Variants in SOX5 observed in about 807,000 individuals in gnomAD.
SOX5 encodes the protein SRY-box transcription factor 5, also known as transcription factor SOX-5.
SOX5 carries 9 observed loss-of-function variants against 92.0 expected under a neutral mutation model. The ratio of observed to expected loss-of-function variants is 0.10; its 90% CI spans 0.06 to 0.17. SOX5 has a LOEUF of 0.17. Among genes scored for constraint, SOX5 ranks in the 10% least tolerant of loss-of-function variants. SOX5 has a pLI of 1.00. For synonymous variants in SOX5, 344 were observed against 336.3 expected (o/e 1.02, Z -0.25); for missense variants, 642 against 944.5 (o/e 0.68, Z 4.20).
At chr12:23,662,800 T>C (rs966167505) in intron 7 of SOX5, among the ~76,000 whole-genome samples, 20 of 152,300 alleles carry the variant, frequency 1.3e-4, no homozygotes, top group Non-Finnish European at 2.8e-4. Context: ...AACAGAAACG[T>C]TTATCATCAG....
At chr12:23,965,268 G>A (rs1413449754) in intron 4 of SOX5, among the ~76,000 whole-genome samples, 1 of 152,198 alleles carries the variant, frequency 6.6e-6, no homozygotes, top group Non-Finnish European at 1.5e-5. Context: ...TGGCCTGACC[G>A]CTAAGAATGA....
At chr12:23,860,059 T>A (rs954212044) in intron 2 of SOX5, among the ~76,000 whole-genome samples, 3 of 152,016 alleles carry the variant, frequency 2.0e-5, no homozygotes, top group Admixed American at 6.6e-5. Flanking sequence ...AAAACCAAAT[T>A]CTGCATGTTC....
intron 3 of SOX5, among the ~76,000 whole-genome samples, chr12:23,833,419 G>A (rs2096363310): frequency 6.6e-6 from 1 of 151,898 alleles, no homozygotes; most frequent in Non-Finnish European, 1.5e-5. Context: ...CACTATTAAA[G>A]AACAAGTTAC....
intron 1 of SOX5, among the ~76,000 whole-genome samples, chr12:24,490,359 C>T (rs891532885): frequency 4.6e-5 from 7 of 152,166 alleles, no homozygotes; most frequent in Non-Finnish European, 1.0e-4. Flanking sequence ...GGGCATTGAA[C>T]AGTCAGGGGT....
intron 3 of SOX5, 73 bp from the exon 4 acceptor site, chr12:23,755,797 T>C: frequency 9.9e-7 from 1 of 1,010,870 alleles, no homozygotes; most frequent in Non-Finnish European, 1.4e-6. Context: ...AAAGTCTATC[T>C]GCTAAAAATA....
intron 1 of SOX5, among the ~76,000 whole-genome samples, chr12:24,488,406 A>T (rs976351350): frequency 2.0e-4 from 30 of 152,124 alleles, no homozygotes; most frequent in African/African-American, 7.0e-4. Flanking sequence ...TGGGCAACAT[A>T]ACAAGACCCT....
At chr12:24,396,153 T>C (rs1471288152) in intron 1 of SOX5, among the ~76,000 whole-genome samples, 1 of 152,198 alleles carries the variant, frequency 6.6e-6, no homozygotes, top group Non-Finnish European at 1.5e-5. Flanking sequence ...TTACAAAGGC[T>C]AAGGTTACTG....
chr12:23,548,350 T>A (rs953782917), intron 11 of SOX5, among the ~76,000 whole-genome samples: 1 of 152,080 alleles, frequency 6.6e-6, no homozygotes, highest in African/African-American at 2.4e-5. Context: ...ACTCAGTTTT[T>A]ACAATAAGTA....
chr12:24,094,466 T>G (rs1239496636), intron 4 of SOX5, among the ~76,000 whole-genome samples: 1 of 151,604 alleles, frequency 6.6e-6, no homozygotes, highest in Non-Finnish European at 1.5e-5. Context: ...TTTTTTTTTT[T>G]TTTTGTATTT....
intron 4 of SOX5, among the ~76,000 whole-genome samples, chr12:24,201,491 G>C (rs934032432): frequency 2.0e-5 from 3 of 152,280 alleles, no homozygotes; most frequent in Non-Finnish European, 4.4e-5. Flanking sequence ...AGTATAATTT[G>C]AGAAACTCTG....
intron 1 of SOX5, among the ~76,000 whole-genome samples, chr12:24,495,467 A>G (rs1597304536): frequency 6.6e-6 from 1 of 152,266 alleles, no homozygotes; most frequent in South Asian, 2.1e-4. Flanking sequence ...GATTTTCACA[A>G]GATGATCCTT....
chr12:23,862,594 C>T (rs1362811055), intron 2 of SOX5, among the ~76,000 whole-genome samples: 2 of 152,194 alleles, frequency 1.3e-5, no homozygotes, highest in Admixed American at 1.3e-4. Context: ...CTGACATCAG[C>T]ATTGAAAGTA....
rs117698901 is a variant in SOX5, at chr12:23,865,101, G to A, written c.271-18908C>T. 8.8e-4 allele frequency among the ~76,000 whole-genome samples: 134 copies of A among 152,222 alleles called. 1 individual carries two copies. The East Asian group carries it at 0.021, about 24-fold the overall frequency. ...GGGCCCTAAAGAATTATGCTAAATC[G>A]GCTCTGTCTTTGTCTATAAATGGAA... is the stretch of plus-strand genomic sequence containing the variant. On this transcript the variant is annotated intron_variant, in intron 2 of 14. Coordinates refer to ENST00000451604, the MANE Select transcript of SOX5 (RefSeq NM_006940.6).
chr12:23,866,699 C>T (rs1344438689), intron 2 of SOX5, among the ~76,000 whole-genome samples: 1 of 152,154 alleles, frequency 6.6e-6, no homozygotes, highest in African/African-American at 2.4e-5. Flanking sequence ...AGTACTTTTC[C>T]TAGCTTTCTG....
intron 4 of SOX5, among the ~76,000 whole-genome samples, chr12:23,962,045 A>C (rs1188588093): frequency 6.6e-6 from 1 of 152,230 alleles, no homozygotes; most frequent in Admixed American, 6.5e-5. Flanking sequence ...AATTTCACAT[A>C]ATGGTAGAGC....
intron 1 of SOX5, among the ~76,000 whole-genome samples, chr12:23,936,800 C>A (rs1942667997): frequency 6.6e-6 from 1 of 150,982 alleles, no homozygotes; most frequent in Non-Finnish European, 1.5e-5. Flanking sequence ...ATCCTACTGT[C>A]ATTTCAACAT....
At chr12:23,568,219 T>C (rs1947494352) in intron 10 of SOX5, among the ~76,000 whole-genome samples, 1 of 152,164 alleles carries the variant, frequency 6.6e-6, no homozygotes, top group African/African-American at 2.4e-5. Context: ...ATTGGAGTTA[T>C]GCATCTATGA....
intron 1 of SOX5, among the ~76,000 whole-genome samples, chr12:23,933,333 G>A (rs573902335): frequency 1.3e-5 from 2 of 151,642 alleles, no homozygotes; most frequent in African/African-American, 4.8e-5. Context: ...TACAGAGTCT[G>A]GTACTATCCA....
At chr12:24,318,134 G>A (rs547400318) in intron 2 of SOX5, among the ~76,000 whole-genome samples, 14 of 152,170 alleles carry the variant, frequency 9.2e-5, no homozygotes, top group African/African-American at 2.9e-4. Flanking sequence ...GCTTGAAACC[G>A]GGAGGCAGAG....
Sources: gnomAD v4.1 joint callset for allele counts (sites outside exome capture counted in the v4.1 genomes callset) on GRCh38, gnomAD v4.1.1 for gene constraint, MANE v1.5 for transcripts, NCBI Gene and HGNC (gene_info 2026-07-23, HGNC 2026-07-21) for gene names.